The following CWH43 variants were observed in gnomAD, a reference collection of about 807,000 sequenced individuals.
The protein encoded by CWH43 is PGAP2-interacting protein.
A neutral mutation model predicts 85.7 loss-of-function variants in CWH43; 91 were observed. The ratio of observed to expected loss-of-function variants is 1.06; its 90% CI spans 0.90 to 1.26. CWH43 has a LOEUF of 1.26. CWH43 is among the 50% of genes most tolerant of loss of function. The probability of loss-of-function intolerance (pLI) is 0.00; values close to 1 mark genes in which losing one functional copy is unlikely to be tolerated. For synonymous variants in CWH43, 323 were observed against 293.6 expected (o/e 1.10, Z -1.02); for missense variants, 869 against 839.2 (o/e 1.04, Z -0.44).
chr4:49,004,267 A>G (rs1056339576), intron 7 of CWH43, among the ~76,000 whole-genome samples: 32 of 152,232 alleles, frequency 2.1e-4, no homozygotes, highest in African/African-American at 7.5e-4. Context: ...AGTCCATACT[A>G]AAGCGTAAAC....
intron 15 of CWH43, among the ~76,000 whole-genome samples, chr4:49,058,686 G>A (rs969417125): frequency 6.6e-6 from 1 of 151,986 alleles, no homozygotes; most frequent in African/African-American, 2.4e-5. Context: ...TTGTCTCTTT[G>A]GGAAAGTCCT....
chr4:48,998,606 G>C, intron 6 of CWH43, 58 bp downstream of exon 6: 8 of 1,207,028 alleles, frequency 6.6e-6, no homozygotes, highest in Non-Finnish European at 9.9e-6. Flanking sequence ...CAGTTTGTTT[G>C]CAAGCATGCG....
At chr4:49,046,267 A>G (rs1177820681) in intron 14 of CWH43, among the ~76,000 whole-genome samples, 2 of 152,234 alleles carry the variant, frequency 1.3e-5, no homozygotes, top group African/African-American at 2.4e-5. Flanking sequence ...ATTTGTATCA[A>G]TAAAGCAAGG....
At chr4:49,002,548 A>T (rs1006743172) in intron 6 of CWH43, among the ~76,000 whole-genome samples, 1 of 152,222 alleles carries the variant, frequency 6.6e-6, no homozygotes, top group African/African-American at 2.4e-5. Context: ...TCCGTCTTAG[A>T]CAATCCTTAA....
intron 15 of CWH43, among the ~76,000 whole-genome samples, chr4:49,056,576 G>A (rs1784971238): frequency 6.6e-6 from 1 of 151,642 alleles, no homozygotes. Context: ...AGTAAGTCTA[G>A]CTAACACTTT....
intron 5 of CWH43, 41 bp from the exon 6 acceptor site, chr4:48,998,419 T>C (rs1462494315): frequency 7.1e-7 from 1 of 1,409,220 alleles, no homozygotes; most frequent in South Asian, 1.2e-5. Flanking sequence ...TGATGAAATA[T>C]TACTAATGTC....
chr4:49,003,705 C>G, intron 6 of CWH43, 30 bp from the exon 7 acceptor site: 4 of 1,611,802 alleles, frequency 2.5e-6, no homozygotes, highest in Non-Finnish European at 3.4e-6. Context: ...GACTGCTTTC[C>G]TGTCTGATTC....
Position 49,050,431 on chromosome 4 carries a change from T to C in CWH43, c.1866-263T>C, listed in dbSNP as rs184724266. ...GGAGGCAATTTGTATGGCTAGAATA[T>C]TCATTAGTATAAAAAAAGTAAAGTA... On this transcript the variant is annotated intron_variant, in intron 14 of 15. Transcript: ENST00000226432. Among the ~76,000 whole-genome samples the C allele has an allele frequency of 7.7e-4, 117 of 152,314 alleles. 1 individual carries two copies. The highest frequency in any genetic ancestry group is 2.6e-3 in the African/African-American group (110 of 41,576).
At chr4:49,051,342 G>A (rs1457723665) in intron 15 of CWH43, among the ~76,000 whole-genome samples, 2 of 152,150 alleles carry the variant, frequency 1.3e-5, no homozygotes, top group Non-Finnish European at 2.9e-5. Context: ...TATTAGCATC[G>A]TTGGGTTGCT....
At chr4:49,017,545 TTGA>T (rs1470759056) in intron 9 of CWH43, among the ~76,000 whole-genome samples, 1 of 152,194 alleles carries the variant, frequency 6.6e-6, no homozygotes, top group Non-Finnish European at 1.5e-5. Flanking sequence ...AGGCAAATTG[TTGA>T]TGATTTTGTT....
intron 14 of CWH43, among the ~76,000 whole-genome samples, chr4:49,048,869 T>C (rs1004405103): frequency 1.3e-5 from 2 of 152,160 alleles, no homozygotes; most frequent in African/African-American, 4.8e-5. Context: ...AGTTAGGAAC[T>C]AGGGTTTTTC....
intron 8 of CWH43, among the ~76,000 whole-genome samples, chr4:49,011,117 CTT>C: frequency 6.6e-6 from 1 of 152,246 alleles, no homozygotes; most frequent in East Asian, 1.9e-4. Context: ...GTCTAAGTCT[CTT>C]TGTAGGTCTC....
intron 5 of CWH43, among the ~76,000 whole-genome samples, chr4:48,995,223 G>C (rs1782776137): frequency 6.6e-6 from 1 of 152,214 alleles, no homozygotes; most frequent in African/African-American, 2.4e-5. Flanking sequence ...GTCCCCTGAG[G>C]AGACTAGGTT....
intron 8 of CWH43, 37 bp downstream of exon 8, chr4:49,007,363 A>G (rs775480232): frequency 4.7e-6 from 7 of 1,489,828 alleles, no homozygotes; most frequent in East Asian, 2.5e-5. Flanking sequence ...AAAATTAATT[A>G]TATAAAATTC....
At chr4:49,025,308 C>T (rs1328890455) in intron 9 of CWH43, among the ~76,000 whole-genome samples, 4 of 151,536 alleles carry the variant, frequency 2.6e-5, no homozygotes, top group African/African-American at 9.7e-5. Flanking sequence ...TTTCTGGTGC[C>T]TCCTTGATTG....
rs1785177445 is a variant in CWH43 at position 49,062,012 on chromosome 4, GGT to G, written c.*123_*124del. On this transcript the variant is annotated 3_prime_UTR_variant, in exon 16 of 16. Transcript: ENST00000226432. ...AAGAACCTCAACTTAAAAAACACAT[GGT>G]ATCTATGCAGTGGGAAATTACCTCC... 6.9e-6 allele frequency: 5 copies of G among 724,138 alleles called. No individual in the cohort carries two copies. Among genetic ancestry groups the G allele is most frequent in the Non-Finnish European group, 9.5e-6 (5 of 524,614 alleles). 44.9% of individuals were successfully genotyped at this position (724,138 alleles called of 1,614,324 possible). A position where few individuals can be genotyped will look rare whatever the true frequency, so the allele number is the denominator to read the frequency against.
At chr4:49,059,193 G>A (rs1785062766) in intron 15 of CWH43, among the ~76,000 whole-genome samples, 1 of 152,054 alleles carries the variant, frequency 6.6e-6, no homozygotes, top group Non-Finnish European at 1.5e-5. Flanking sequence ...TGAATGACCA[G>A]ACTTTGAGCT....
At chr4:49,001,780 C>T (rs1358373647) in intron 6 of CWH43, among the ~76,000 whole-genome samples, 1 of 152,108 alleles carries the variant, frequency 6.6e-6, no homozygotes, top group Admixed American at 6.6e-5. Flanking sequence ...CTAGATAATT[C>T]TCTGTAGTAA....
chr4:49,040,519 C>T (rs1159275411), intron 13 of CWH43, among the ~76,000 whole-genome samples: 1 of 152,094 alleles, frequency 6.6e-6, no homozygotes, highest in Non-Finnish European at 1.5e-5. Flanking sequence ...TTTCATGTGT[C>T]TTTTGGCTGC....
Sources: allele counts gnomAD v4.1 joint callset (sites outside exome capture counted in the v4.1 genomes callset), GRCh38; gene constraint gnomAD v4.1.1; transcripts MANE v1.5; gene names NCBI Gene and HGNC (gene_info 2026-07-23, HGNC 2026-07-21).